The following LINGO2 variants were observed in gnomAD, a reference collection of about 807,000 sequenced individuals.
LINGO2 encodes the protein leucine-rich repeat and immunoglobulin-like domain-containing nogo receptor-interacting protein 2.
In LINGO2, 14 loss-of-function variants were observed where a neutral mutation model predicts 30.6. That is an observed-to-expected ratio of 0.46 (90% CI 0.30 to 0.72). The LOEUF (loss-of-function observed/expected upper bound fraction) is 0.72. Among genes scored for constraint, LINGO2 ranks in the 30% least tolerant of loss-of-function variants. LINGO2 has a pLI of 0.07. For synonymous variants in LINGO2, 317 were observed against 288.5 expected, an observed-to-expected ratio of 1.10 and a Z score of -1.00; for missense variants, 729 against 751.7, an observed-to-expected ratio of 0.97 and a Z score of 0.35.
chr9:28,548,265 A>G (rs913102868), intron 1 of LINGO2, among the ~76,000 whole-genome samples: 2 of 152,136 alleles, frequency 1.3e-5, no homozygotes, highest in Non-Finnish European at 2.9e-5. Context: ...AAATGAAGCA[A>G]CTGGGGCTTA....
chr9:28,600,676 G>C (rs1825423091), intron 1 of LINGO2, among the ~76,000 whole-genome samples: 1 of 152,010 alleles, frequency 6.6e-6, no homozygotes, highest in Non-Finnish European at 1.5e-5. Context: ...GAGCTGTCTG[G>C]AGTTGTTTTC....
intron 4 of LINGO2, among the ~76,000 whole-genome samples, chr9:28,028,489 A>C (rs1189842923): frequency 1.3e-5 from 2 of 151,590 alleles, no homozygotes; most frequent in Non-Finnish European, 2.9e-5. Flanking sequence ...ATGTATATAC[A>C]CGTAACACCC....
chr9:29,210,631 T>G, the LINGO2 span, among the ~76,000 whole-genome samples: 1 of 152,180 alleles, frequency 6.6e-6, no homozygotes, highest in Non-Finnish European at 1.5e-5. Flanking sequence ...CCTGAGATAA[T>G]GCTATGTGTT....
At chr9:28,993,405 A>G in the LINGO2 span, among the ~76,000 whole-genome samples, 32 of 152,214 alleles carry the variant, frequency 2.1e-4, no homozygotes, top group African/African-American at 7.7e-4. Flanking sequence ...GTCCAGGACC[A>G]GATGGAATCA....
chr9:29,051,002 T>C, the LINGO2 span, among the ~76,000 whole-genome samples: 1 of 152,198 alleles, frequency 6.6e-6, no homozygotes, highest in Admixed American at 6.5e-5. Flanking sequence ...TTTTAAAATA[T>C]ACATTTTTAG....
chr9:28,531,064 T>A (rs995826421), intron 1 of LINGO2, among the ~76,000 whole-genome samples: 21 of 147,758 alleles, frequency 1.4e-4, no homozygotes, highest in South Asian at 4.2e-4. Context: ...TATATATATA[T>A]AATATATAAA....
In LINGO2 at chr9:28,064,535, G is replaced by A. The variant is rs139465562; in HGVS notation, c.-86-52130C>T. Among the ~76,000 whole-genome samples, 801 of 152,262 alleles carry A rather than the reference G, an allele frequency of 5.3e-3. 16 individuals are homozygous for A. Among genetic ancestry groups the A allele is most frequent in the South Asian group, 0.047 (225 of 4,824 alleles). On this transcript the variant is annotated intron_variant, in intron 4 of 5. Transcript: ENST00000379992. ...GTTGATAGCAACGGGACTTTCTCCAGTAAGTTTGATGAGAAATCCACGTGG... is the reference window on the plus strand; with the variant it reads ...GTTGATAGCAACGGGACTTTCTCCAATAAGTTTGATGAGAAATCCACGTGG...
At chr9:28,705,502 C>T in the LINGO2 span, among the ~76,000 whole-genome samples, 1 of 152,002 alleles carries the variant, frequency 6.6e-6, no homozygotes. Flanking sequence ...CCTGATAAAA[C>T]CCCAATATAT....
At chr9:28,175,338 G>A (rs948235859) in intron 4 of LINGO2, among the ~76,000 whole-genome samples, 3 of 152,084 alleles carry the variant, frequency 2.0e-5, no homozygotes, top group African/African-American at 4.8e-5. Context: ...ACTTGCTCAT[G>A]TGTCTGACCG....
chr9:28,003,450 T>A (rs1458312231), intron 5 of LINGO2, among the ~76,000 whole-genome samples: 1 of 151,944 alleles, frequency 6.6e-6, no homozygotes, highest in Non-Finnish European at 1.5e-5. Flanking sequence ...GTGTTTTGGG[T>A]CTTTATTTAG....
the LINGO2 span, among the ~76,000 whole-genome samples, chr9:28,779,417 A>T: frequency 1.1e-4 from 16 of 152,142 alleles, no homozygotes; most frequent in African/African-American, 3.1e-4. Flanking sequence ...CACAGTTCAG[A>T]TTGCAAAACA....
chr9:28,452,190 T>C (rs1380755591), intron 2 of LINGO2, among the ~76,000 whole-genome samples: 1 of 151,822 alleles, frequency 6.6e-6, no homozygotes, highest in Admixed American at 6.6e-5. Context: ...ACTAAGTCAA[T>C]ATTCAGACAA....
the LINGO2 span, among the ~76,000 whole-genome samples, chr9:29,192,946 T>C: frequency 6.6e-6 from 1 of 152,338 alleles, no homozygotes; most frequent in Non-Finnish European, 1.5e-5. Flanking sequence ...CGTTGTGGTA[T>C]CTTAGAGGAA....
At chr9:28,664,684 A>G (rs1016243780) in intron 1 of LINGO2, among the ~76,000 whole-genome samples, 1 of 152,034 alleles carries the variant, frequency 6.6e-6, no homozygotes, top group African/African-American at 2.4e-5. Flanking sequence ...TGAGATCATC[A>G]TATCCTCTTC....
the LINGO2 span, among the ~76,000 whole-genome samples, chr9:28,884,929 TATTATATATAATATATATA>T: frequency 1.2e-3 from 4 of 3,254 alleles, 1 homozygote; most frequent in African/African-American, 2.6e-3. Flanking sequence ...CTATATATAA[TATTATATATAATATATATA>T]ATATATAATA....
rs181728806 is a variant in LINGO2 at position 28,584,058 on chromosome 9, G to C, written c.-365+86142C>G. On this transcript the variant is annotated intron_variant, in intron 1 of 5. Transcript: ENST00000379992. ...TGCCAGATTCCATTGCCATGCTGTT[G>C]GACTTCCCAGTCTCCAGAACCATGA... is the stretch of plus-strand genomic sequence containing the variant. 1.4e-3 allele frequency among the ~76,000 whole-genome samples: 215 copies of C among 151,986 alleles called. 3 individuals are homozygous for C. Among genetic ancestry groups the C allele is most frequent in the African/African-American group, 4.9e-3 (205 of 41,494 alleles).
At chr9:28,465,797 A>G (rs1342985107) in intron 2 of LINGO2, among the ~76,000 whole-genome samples, 2 of 152,214 alleles carry the variant, frequency 1.3e-5, no homozygotes, top group Non-Finnish European at 1.5e-5. Context: ...AAAATGGGTT[A>G]AAGATCTGAG....
At chr9:28,791,805 A>G in the LINGO2 span, among the ~76,000 whole-genome samples, 1 of 151,892 alleles carries the variant, frequency 6.6e-6, no homozygotes, top group African/African-American at 2.4e-5. Flanking sequence ...TATTGACCCT[A>G]CAATGACAAA....
chr9:28,041,457 G>A (rs1039881049), intron 4 of LINGO2, among the ~76,000 whole-genome samples: 1 of 152,076 alleles, frequency 6.6e-6, no homozygotes, highest in Non-Finnish European at 1.5e-5. Context: ...AATAATGCTA[G>A]GTATGTAGAA....
Sources: gnomAD v4.1 joint callset for allele counts (sites outside exome capture counted in the v4.1 genomes callset) on GRCh38, gnomAD v4.1.1 for gene constraint, MANE v1.5 for transcripts, NCBI Gene and HGNC (gene_info 2026-07-23, HGNC 2026-07-21) for gene names.